TMEM266: variants seen among roughly 807,000 people sequenced by gnomAD.
TMEM266 encodes the protein Hv1 related protein 1.
A neutral mutation model predicts 50.5 loss-of-function variants in TMEM266; 33 were observed. The ratio of observed to expected loss-of-function variants is 0.65; its 90% CI spans 0.50 to 0.87. The LOEUF (loss-of-function observed/expected upper bound fraction) is 0.87, where lower values mean the gene tolerates loss of function less well. Ranked by LOEUF, TMEM266 falls within the 40% of genes least tolerant of loss-of-function variation. The pLI is 0.00. For synonymous variants in TMEM266, 310 were observed against 292.3 expected (o/e 1.06, Z -0.62); for missense variants, 655 against 695.1 (o/e 0.94, Z 0.65).
At chr15:76,183,636 C>T (rs1467023090) in intron 8 of TMEM266, among the ~76,000 whole-genome samples, 2 of 152,200 alleles carry the variant, frequency 1.3e-5, no homozygotes, top group Non-Finnish European at 2.9e-5. Context: ...GTCGCCTGCA[C>T]AGTCACCCAA....
chr15:76,138,716 T>G (rs1205798354), intron 3 of TMEM266, among the ~76,000 whole-genome samples: 1 of 152,230 alleles, frequency 6.6e-6, no homozygotes, highest in Non-Finnish European at 1.5e-5. Context: ...AGGGAAGGCA[T>G]GCGGAATATG....
Position 76,168,606 on chromosome 15 carries a change from C to G in TMEM266, c.457-1210C>G, listed in dbSNP as rs1395158071. Among the ~76,000 whole-genome samples the G allele has an allele frequency of 6.6e-6, 1 of 152,258 alleles. No individual in the cohort carries two copies. The highest frequency in any genetic ancestry group is 2.4e-5 in the African/African-American group (1 of 41,460). ...AGATGTCCTCTTGGTGAGGAAACCG[C>G]TCCTGAAGGCAGCACCATTCGGGAA... On this transcript the variant is annotated intron_variant, in intron 5 of 10. Transcript: ENST00000388942. The surrounding 1 kb of genome is among the most constrained non-coding windows in gnomAD (Gnocchi z 4.4).
chr15:76,195,240 C>G (rs1238620645), intron 9 of TMEM266, among the ~76,000 whole-genome samples: 1 of 152,196 alleles, frequency 6.6e-6, no homozygotes, highest in African/African-American at 2.4e-5. Context: ...GTGTGTCTCC[C>G]CTCTAAACTT....
rs1295476709 is a variant in TMEM266, at chr15:76,168,809, A to C, written c.457-1007A>C. Reference sequence around the variant, plus strand: ...GGCAGTGCTGTGGAGGGTGACGCCCAGAAACCATAGGAACACCCAGGAAGG... The same window carrying C: ...GGCAGTGCTGTGGAGGGTGACGCCCCGAAACCATAGGAACACCCAGGAAGG... On this transcript the variant is annotated intron_variant, in intron 5 of 10. Coordinates refer to ENST00000388942, the MANE Select transcript of TMEM266 (RefSeq NM_152335.3). This position sits in a 1 kb window ranked among gnomAD's most constrained non-coding sequence, Gnocchi z 4.4. Among the ~76,000 whole-genome samples, 1 of 152,240 alleles carries C rather than the reference A, an allele frequency of 6.6e-6. No homozygotes were observed. Among genetic ancestry groups the C allele is most frequent in the Non-Finnish European group, 1.5e-5 (1 of 68,050 alleles).
At chr15:76,174,053 T>G (rs2142063281) in intron 7 of TMEM266, among the ~76,000 whole-genome samples, 1 of 152,284 alleles carries the variant, frequency 6.6e-6, no homozygotes, top group South Asian at 2.1e-4. Context: ...TTTTTCTGTT[T>G]TGTTGCTCTG....
At chr15:76,092,157 T>C (rs2036857850) in intron 1 of TMEM266, among the ~76,000 whole-genome samples, 2 of 151,972 alleles carry the variant, frequency 1.3e-5, no homozygotes, top group Admixed American at 1.3e-4. Context: ...TATAATGAAA[T>C]AGTACTATAT....
chr15:76,115,569 G>GCTCCTCCCCTCC (rs1051937615), intron 1 of TMEM266, among the ~76,000 whole-genome samples: 1 of 152,152 alleles, frequency 6.6e-6, no homozygotes, highest in Non-Finnish European at 1.5e-5. Context: ...GGGGTCGCAT[G>GCTCCTCCCCTCC]CCCCATTCCA....
intron 9 of TMEM266, among the ~76,000 whole-genome samples, chr15:76,193,195 A>G (rs2957037): frequency 0.21 from 31,882 of 152,098 alleles, 3,712 homozygotes; most frequent in African/African-American, 0.3. Context: ...GAGGGCTGTA[A>G]GGCACTGCAA....
At chr15:76,119,889 C>T (rs942622903) in intron 1 of TMEM266, among the ~76,000 whole-genome samples, 3 of 152,016 alleles carry the variant, frequency 2.0e-5, no homozygotes, top group Non-Finnish European at 4.4e-5. Context: ...TGCCATTGTC[C>T]TCCATTTTTC....
At chr15:76,170,463 G>C (rs1050577170) in intron 6 of TMEM266, among the ~76,000 whole-genome samples, 1 of 152,250 alleles carries the variant, frequency 6.6e-6, no homozygotes, top group Admixed American at 6.5e-5. Flanking sequence ...CTCAGAACAC[G>C]GCCAGGCTGG....
At chr15:76,138,708 G>T (rs2037630979) in intron 3 of TMEM266, among the ~76,000 whole-genome samples, 1 of 152,246 alleles carries the variant, frequency 6.6e-6, no homozygotes, top group Admixed American at 6.5e-5. Flanking sequence ...CCCTTTCCAG[G>T]GAAGGCATGC....
Position 76,062,607 on chromosome 15 carries a change from GT to G in TMEM266, c.-97+2595del, listed in dbSNP as rs2036326277. Among the ~76,000 whole-genome samples the G allele has an allele frequency of 2.0e-5, 3 of 152,308 alleles. No individual in the cohort carries two copies. The South Asian group carries it at 6.2e-4, about 32-fold the overall frequency. On this transcript the variant is annotated intron_variant, in intron 1 of 10. Transcript: ENST00000388942. ...TACTTGATTTCTGGGGAGGAAATGAGTTTTCCTGTGGGGAGCATCACTATCT... is the reference window on the plus strand; with the variant it reads ...TACTTGATTTCTGGGGAGGAAATGAGTTTCCTGTGGGGAGCATCACTATCT...
chr15:76,152,328 G>T (rs1049780104), intron 3 of TMEM266, among the ~76,000 whole-genome samples: 2 of 152,212 alleles, frequency 1.3e-5, no homozygotes, highest in African/African-American at 2.4e-5. Context: ...TGAGGGCAGA[G>T]TGTGGGCAGG....
intron 1 of TMEM266, among the ~76,000 whole-genome samples, chr15:76,084,121 T>C (rs558470267): frequency 6.6e-6 from 1 of 152,270 alleles, no homozygotes; most frequent in East Asian, 1.9e-4. Flanking sequence ...AAGACCAGCC[T>C]GGGCAACATA....
chr15:76,175,895 C>A, intron 8 of TMEM266: 1 of 464,996 alleles, frequency 2.2e-6, no homozygotes, highest in Non-Finnish European at 3.9e-6. Flanking sequence ...GACTCCCAGG[C>A]CAGGGTTCTT....
chr15:76,156,560 C>G, intron 3 of TMEM266, 44 bp from the exon 4 acceptor site: 1 of 1,605,412 alleles, frequency 6.2e-7, no homozygotes, highest in Non-Finnish European at 8.5e-7. Context: ...CCTCTTGTCC[C>G]CTCCCACTCT....
At chr15:76,169,911 C>T (rs374989948) in intron 6 of TMEM266, 39 bp downstream of exon 6, 36 of 1,594,478 alleles carry the variant, frequency 2.3e-5, no homozygotes, top group Non-Finnish European at 2.8e-5. Context: ...CCCACTCTGC[C>T]ATCCTGGAAG....
chr15:76,160,735 C>T lies in TMEM266; in HGVS notation c.456+567C>T, dbSNP rs1192317154. On this transcript the variant is annotated intron_variant, in intron 5 of 10. Coordinates refer to ENST00000388942, the MANE Select transcript of TMEM266 (RefSeq NM_152335.3). The surrounding 1 kb of genome is among the most constrained non-coding windows in gnomAD (Gnocchi z 5.7). ...CAGTGTGAGTGCGAGGCTGTATTTC[C>T]GAGGTGGGGGCTCAGGGAGCACGGA... Among the ~76,000 whole-genome samples, 1 of 152,092 alleles carries T rather than the reference C, an allele frequency of 6.6e-6. No homozygotes were observed. Among genetic ancestry groups the T allele is most frequent in the Non-Finnish European group, 1.5e-5 (1 of 68,016 alleles).
chr15:76,171,031 G>T lies in TMEM266; in HGVS notation c.552G>T (p.Pro184=). The change falls in exon 7 of 11, where the codon CCG becomes CCT. Residue 184 remains proline (P), a synonymous_variant. Transcript: ENST00000388942. ...CTGTGATCATCCTATCTTTGGCTCC[G>T]ATGGTGGCATCCACTGTGGCCAATG... is the stretch of plus-strand genomic sequence containing the variant. 1 of 1,613,022 alleles carries T rather than the reference G, an allele frequency of 6.2e-7. No homozygotes were observed.
Sources: gnomAD v4.1 joint callset for allele counts (sites outside exome capture counted in the v4.1 genomes callset) on GRCh38, gnomAD v4.1.1 for gene constraint, Gnocchi (gnomAD v3.1) non-coding constraint, MANE v1.5 for transcripts, NCBI Gene and HGNC (gene_info 2026-07-23, HGNC 2026-07-21) for gene names.